BSG: variants seen among roughly 807,000 people sequenced by gnomAD.
The protein encoded by BSG is basigin (Ok blood group).
Under a neutral mutation model 43.1 loss-of-function variants are expected in BSG, and 37 were observed. The observed-to-expected ratio is 0.86, with a 90% CI of 0.66 to 1.13. BSG has a LOEUF of 1.13. BSG is among the 50% of genes most tolerant of loss of function. The pLI, the probability that BSG is intolerant of heterozygous loss-of-function variation, is 0.00. For missense variants in BSG, 599 were observed against 554.2 expected, an observed-to-expected ratio of 1.08 and a Z score of -0.81; for synonymous variants, 309 against 238.7, an observed-to-expected ratio of 1.29 and a Z score of -2.72.
rs939969214 is a variant in BSG, at chr19:582,862, C to T, written c.*118C>T. The T allele has an allele frequency of 7.8e-6, 4 of 513,318 alleles. No individual in the cohort carries two copies. Among genetic ancestry groups the T allele is most frequent in the African/African-American group, 5.8e-5 (3 of 51,410 alleles). The allele number at this position is 513,318 out of a possible 1,614,324, so 31.8% of individuals were successfully genotyped here. A position where few individuals can be genotyped will look rare whatever the true frequency, so the allele number is the denominator to read the frequency against. ...AAAGAAAACCCACCCCGTAGATTCC[C>T]ATCATACACTTCCTTCTTTTTTAAA... On this transcript the variant is annotated 3_prime_UTR_variant, in exon 9 of 9. Coordinates refer to ENST00000333511, the MANE Select transcript of BSG (RefSeq NM_001728.4).
Position 577,773 on chromosome 19 carries a change from G to A in BSG, c.68-1G>A. ...AGACCCCACGCGTGCTCTCCCCACA[G>A]CCGGCTTCGTCCAGGCGCCGCTGTC... On this transcript the variant is annotated splice_acceptor_variant, in intron 1 of 8. Transcript: ENST00000333511. LOFTEE classifies it high-confidence loss of function. The A allele has an allele frequency of 7.1e-7, 1 of 1,413,358 alleles. No homozygotes were observed. The highest frequency in any genetic ancestry group is 2.6e-5 in the East Asian group (1 of 37,904). The allele number at this position is 1,413,358 out of a possible 1,614,324, so 87.6% of individuals were successfully genotyped here.
At chr19:577,737 A>G in intron 1 of BSG, 37 bp from the exon 2 acceptor site, 4 of 1,335,538 alleles carry the variant, frequency 3.0e-6, no homozygotes, top group Non-Finnish European at 2.9e-6. Context: ...CAAGTGCCCC[A>G]GGCACTAACA....
At position 580,782 on chromosome 19, in the gene BSG, G is replaced by T; in HGVS notation, c.792G>T (p.Lys264Asn). The change falls in exon 5 of 9, where the codon AAG (lysine) becomes AAT (asparagine). Residue 264 changes from lysine (K) to asparagine (N), a missense_variant and splice_region_variant. By Grantham distance (94) the Lys-to-Asn change is moderately conservative. Coordinates refer to ENST00000333511, the MANE Select transcript of BSG (RefSeq NM_001728.4). ...AWYKITDSED[K>N]ALMNGSESRF... Reference sequence around the variant, plus strand: ...ACAAGATCACTGACTCTGAGGACAAGGTGAGAAGCCAAGGAGGCTGGGGGT... The same window carrying T: ...ACAAGATCACTGACTCTGAGGACAATGTGAGAAGCCAAGGAGGCTGGGGGT... 1 of 1,612,792 alleles carries T rather than the reference G, an allele frequency of 6.2e-7. No homozygotes were observed. Among genetic ancestry groups the T allele is most frequent in the African/African-American group, 1.3e-5 (1 of 75,068 alleles).
At chr19:573,782 A>T (rs1981506941) in intron 1 of BSG, among the ~76,000 whole-genome samples, 1 of 152,194 alleles carries the variant, frequency 6.6e-6, no homozygotes. Flanking sequence ...TCTGACCCGC[A>T]TTCGGTTTCC....
In BSG at chr19:577,850, C is replaced by CA. The variant is rs1568349978; in HGVS notation, c.145dup (p.Ser49LysfsTer11). The CA allele has an allele frequency of 1.3e-6, 2 of 1,535,384 alleles. No homozygotes were observed. The highest frequency in any genetic ancestry group is 1.8e-6 in the Non-Finnish European group (2 of 1,134,328). On this transcript the variant is annotated frameshift_variant, in exon 2 of 9. Coordinates refer to ENST00000333511, the MANE Select transcript of BSG (RefSeq NM_001728.4). LOFTEE classifies it high-confidence loss of function. The stretch of plus-strand genomic sequence containing the variant: ...TGGAGCTGCACTGCGAGGCCGTGGG[C>CA]AGCCCGGTGCCCGAGATCCAGTGGT...
rs1982110110 is a variant in BSG, at chr19:579,646, A to G, written c.562A>G (p.Thr188Ala). ...GGAGGACGCGCTGCCCGGCCAGAAAACGGAGTTCAAGTGAGTGCCTGACCA... is the reference window on the plus strand; with the variant it reads ...GGAGGACGCGCTGCCCGGCCAGAAAGCGGAGTTCAAGTGAGTGCCTGACCA... ...LKEDALPGQK[T>A]EFKVDSDDQW... The change falls in exon 3 of 9, where the codon ACG (threonine) becomes GCG (alanine). Residue 188 changes from threonine to alanine, a missense_variant. Thr to Ala is a moderately conservative substitution (Grantham distance 58). Transcript: ENST00000333511. The G allele has an allele frequency of 6.2e-7, 1 of 1,609,544 alleles. No homozygotes were observed. The highest frequency in any genetic ancestry group is 8.5e-7 in the Non-Finnish European group (1 of 1,178,246).
At chr19:578,725 GC>G (rs1982003893) in intron 2 of BSG, 1 of 290,572 alleles carries the variant, frequency 3.4e-6, no homozygotes, top group Non-Finnish European at 6.6e-6. Context: ...GGCCGGGGGT[GC>G]TGTGGCTATT....
At position 582,567 on chromosome 19, in the gene BSG, ACT is replaced by A; in HGVS notation, c.1151_1152del (p.Ser384PhefsTer68). ...AAAGGCAAGAACGTCCGCCAGAGGA[ACT>A]CTTCCTGAGGCAGGTGCGGTGGGCG... is the stretch of plus-strand genomic sequence containing the variant. On this transcript the variant is annotated frameshift_variant, in exon 8 of 9. Coordinates refer to ENST00000333511, the MANE Select transcript of BSG (RefSeq NM_001728.4). LOFTEE classifies it high-confidence loss of function. The A allele has an allele frequency of 7.0e-7, 1 of 1,423,944 alleles. No homozygotes were observed. Among genetic ancestry groups the A allele is most frequent in the South Asian group, 1.1e-5 (1 of 87,156 alleles). 88.2% of individuals were successfully genotyped at this position (1,423,944 alleles called of 1,614,324 possible). A position where few individuals can be genotyped will look rare whatever the true frequency, so the allele number is the denominator to read the frequency against.
At chr19:580,003 C>T (rs1982142203) in intron 3 of BSG, 2 of 419,824 alleles carry the variant, frequency 4.8e-6, no homozygotes, top group Non-Finnish European at 8.6e-6. Context: ...GCATGCCCTG[C>T]TCGGACCCCA....
intron 4 of BSG, 33 bp from the exon 5 acceptor site, chr19:580,613 G>T: frequency 6.2e-7 from 1 of 1,612,158 alleles, no homozygotes. Context: ...CGGGCCTGCG[G>T]TTCCAGGCTC....
intron 2 of BSG, 51 bp downstream of exon 2, chr19:578,172 C>G (rs758987439): frequency 2.0e-5 from 29 of 1,451,768 alleles, no homozygotes; most frequent in Non-Finnish European, 2.4e-5. Context: ...CCTCCTGTGC[C>G]GCTCGCCTCC....
chr19:582,624 TG>T (rs1982431281), intron 8 of BSG, 42 bp downstream of exon 8: 2 of 16,312 alleles, frequency 1.2e-4, no homozygotes, highest in East Asian at 1.1e-3. Flanking sequence ...GTGTGGTGGG[TG>T]GGTGGGCGGG....
upstream of BSG, chr19:571,441 G>A: frequency 1.3e-6 from 1 of 744,420 alleles, no homozygotes; most frequent in Non-Finnish European, 2.5e-6. Flanking sequence ...TTTTCTCACC[G>A]TGGTCGCCGC....
chr19:576,985 C>A (rs1024797477), intron 1 of BSG, among the ~76,000 whole-genome samples: 13 of 141,976 alleles, frequency 9.2e-5, no homozygotes, highest in Non-Finnish European at 1.5e-4. Flanking sequence ...TGTGTTGTAG[C>A]GGTGCCTGGG....
rs765810022 is a variant in BSG, at chr19:582,349, G to A, written c.1094+19G>A. The A allele has an allele frequency of 1.3e-4, 211 of 1,596,308 alleles. No individual in the cohort carries two copies. The highest frequency in any genetic ancestry group is 7.6e-4 in the Admixed American group (41 of 53,724). On this transcript the variant is annotated intron_variant, in intron 7 of 8. Transcript: ENST00000333511. Reference sequence around the variant, plus strand: ...CACCCCTGTAAGTTCCAGCTGTGGGGGTCGGGGGTCCCAAGGAGCGGCCTG... The same window carrying A: ...CACCCCTGTAAGTTCCAGCTGTGGGAGTCGGGGGTCCCAAGGAGCGGCCTG...
intron 8 of BSG, 82 bp from the exon 9 acceptor site, chr19:582,668 G>T: frequency 7.2e-7 from 1 of 1,391,534 alleles, no homozygotes; most frequent in East Asian, 2.6e-5. Flanking sequence ...GGCGGGATCT[G>T]CTAGCCAGGT....
intron 7 of BSG, 47 bp downstream of exon 7, chr19:582,377 GC>G: frequency 6.3e-7 from 1 of 1,592,304 alleles, no homozygotes; most frequent in Non-Finnish European, 8.5e-7. Flanking sequence ...GCGGCCTGCT[GC>G]CCCAGGCCTT....
At chr19:582,690 G>C in intron 8 of BSG, 60 bp from the exon 9 acceptor site, 3 of 1,257,974 alleles carry the variant, frequency 2.4e-6, no homozygotes, top group Non-Finnish European at 3.3e-6. Flanking sequence ...TGGGCTCCTG[G>C]GTCCCGCCTG....
upstream of BSG, chr19:572,293 CG>C (rs574482659): frequency 4.2e-5 from 31 of 734,802 alleles, no homozygotes; most frequent in South Asian, 1.9e-3. Context: ...TCAACCCCCT[CG>C]GGCGCACCGC....
Sources: allele counts gnomAD v4.1 joint callset (sites outside exome capture counted in the v4.1 genomes callset), GRCh38; gene constraint gnomAD v4.1.1; transcripts MANE v1.5; gene names NCBI Gene and HGNC (gene_info 2026-07-23, HGNC 2026-07-21).